The following AGBL1 variants were observed in gnomAD, a reference collection of about 807,000 sequenced individuals.
The protein encoded by AGBL1 is AGBL carboxypeptidase 1, also known as cytosolic carboxypeptidase 4.
In AGBL1, 130 loss-of-function variants were observed where a neutral mutation model predicts 118.9. The ratio of observed to expected loss-of-function variants is 1.09; its 90% CI spans 0.95 to 1.26. The LOEUF (loss-of-function observed/expected upper bound fraction) is 1.26. AGBL1 is among the 50% of genes most tolerant of loss of function. The pLI, the probability that AGBL1 is intolerant of heterozygous loss-of-function variation, is 0.00. For missense variants in AGBL1, 1,584 were observed against 1,298.1 expected (o/e 1.22, Z -3.38); for synonymous variants, 555 against 478.9 (o/e 1.16, Z -2.08).
At position 86,095,646 on chromosome 15, in the gene AGBL1, C is replaced by CTTTTTTTTTTTTTTTTTTTTTTTTTTTT. The variant is rs1896319963; in HGVS notation, c.51+15623_51+15624insTTTTTTTTTTTTTTTTTTTTTTTTTTTT. Among the ~76,000 whole-genome samples the CTTTTTTTTTTTTTTTTTTTTTTTTTTTT allele has an allele frequency of 6.0e-5, 7 of 116,684 alleles. 3 individuals are homozygous for CTTTTTTTTTTTTTTTTTTTTTTTTTTTT. Among genetic ancestry groups the CTTTTTTTTTTTTTTTTTTTTTTTTTTTT allele is most frequent in the Admixed American group, 9.5e-5 (1 of 10,488 alleles). The allele number at this position is 116,684 out of a possible 152,430, so 76.5% of individuals were successfully genotyped here. A position where few individuals can be genotyped will look rare whatever the true frequency, so the allele number is the denominator to read the frequency against. ...TCATAATGTCACATGACCTTGGATA[C>CTTTTTTTTTTTTTTTTTTTTTTTTTTTT]CTTTTTTTTTTTTTTTTTTTTTTTT... is the stretch of plus-strand genomic sequence containing the variant. On this transcript the variant is annotated intron_variant, in intron 1 of 22. Coordinates refer to ENST00000614907, the MANE Select transcript of AGBL1 (RefSeq NM_001386094.1).
At chr15:86,688,108 C>T (rs1197059577) in intron 22 of AGBL1, among the ~76,000 whole-genome samples, 1 of 152,284 alleles carries the variant, frequency 6.6e-6, no homozygotes, top group East Asian at 1.9e-4. Context: ...GGAGAAACAA[C>T]AAGCGCATGT....
chr15:86,862,023 C>T (rs1238619919), intron 22 of AGBL1, among the ~76,000 whole-genome samples: 3 of 152,136 alleles, frequency 2.0e-5, no homozygotes, highest in Non-Finnish European at 4.4e-5. Context: ...GAATCTTGCT[C>T]CCTGTTCCTT....
chr15:86,252,385 C>G (rs906262555), intron 7 of AGBL1, among the ~76,000 whole-genome samples: 4 of 152,164 alleles, frequency 2.6e-5, no homozygotes, highest in Admixed American at 6.5e-5. Context: ...TCAGATTGGT[C>G]TGAGATCATT....
chr15:86,653,910 C>T (rs1287411298), intron 21 of AGBL1, among the ~76,000 whole-genome samples: 1 of 152,068 alleles, frequency 6.6e-6, no homozygotes, highest in Non-Finnish European at 1.5e-5. Flanking sequence ...CAACTCTCAA[C>T]TTTGTGAAGG....
intron 17 of AGBL1, among the ~76,000 whole-genome samples, chr15:86,390,611 G>C (rs182734985): frequency 7.9e-4 from 115 of 144,688 alleles, no homozygotes; most frequent in African/African-American, 2.9e-3. Context: ...GCTCCCAAAA[G>C]TATTATGCTA....
At chr15:86,710,769 A>G (rs1178366713) in intron 22 of AGBL1, among the ~76,000 whole-genome samples, 1 of 152,198 alleles carries the variant, frequency 6.6e-6, no homozygotes, top group Non-Finnish European at 1.5e-5. Flanking sequence ...GAAACATAGC[A>G]ATTCTTTGGA....
chr15:86,412,216 C>G (rs1361212609), intron 18 of AGBL1, among the ~76,000 whole-genome samples: 2 of 152,184 alleles, frequency 1.3e-5, no homozygotes, highest in Non-Finnish European at 2.9e-5. Context: ...CGTGGATCAC[C>G]AAGTCGAGGA....
intron 21 of AGBL1, among the ~76,000 whole-genome samples, chr15:86,628,154 T>G (rs1258400785): frequency 6.6e-6 from 1 of 152,164 alleles, no homozygotes; most frequent in African/African-American, 2.4e-5. Context: ...GTGGGTTTGT[T>G]ACATAGCTTG....
intron 1 of AGBL1, chr15:86,138,439 T>G (rs1464678168): frequency 6.6e-6 from 1 of 152,246 alleles, no homozygotes; most frequent in African/African-American, 2.4e-5. Flanking sequence ...TCACAGCCCT[T>G]GCTGTCTTGG....
chr15:86,560,628 G>T (rs2083803997), intron 21 of AGBL1, among the ~76,000 whole-genome samples: 2 of 152,190 alleles, frequency 1.3e-5, no homozygotes, highest in African/African-American at 4.8e-5. Context: ...ATAGCAGCAG[G>T]ATTTATAATC....
chr15:86,087,564 A>C (rs1895746303), intron 1 of AGBL1, among the ~76,000 whole-genome samples: 1 of 152,168 alleles, frequency 6.6e-6, no homozygotes, highest in Admixed American at 6.5e-5. Flanking sequence ...TCCTGACCTC[A>C]AGTGATCTGC....
intron 22 of AGBL1, among the ~76,000 whole-genome samples, chr15:86,845,398 G>A (rs76180248): frequency 0.037 from 5,698 of 152,082 alleles, 350 homozygotes; most frequent in African/African-American, 0.13. Context: ...ATTGTTTACC[G>A]TATGAACTGA....
chr15:86,305,337 C>T (rs576166768), intron 17 of AGBL1, among the ~76,000 whole-genome samples: 82 of 152,078 alleles, frequency 5.4e-4, no homozygotes, highest in African/African-American at 1.9e-3. Context: ...AAAGCTACCG[C>T]CAGATTCAAG....
chr15:86,456,667 A>G lies in AGBL1; in HGVS notation c.2555+59121A>G, dbSNP rs545541710. On this transcript the variant is annotated intron_variant, in intron 18 of 22. Coordinates refer to ENST00000614907, the MANE Select transcript of AGBL1 (RefSeq NM_001386094.1). ...AGAAGAGGTCTGATAAAAGCTGCAC[A>G]TTGATTAGGATATTTCAGCGAGGAA... Among the ~76,000 whole-genome samples, 232 of 152,314 alleles carry G rather than the reference A, an allele frequency of 1.5e-3. 1 individual carries two copies. The highest frequency in any genetic ancestry group is 5.4e-3 in the African/African-American group (226 of 41,584).
At chr15:86,574,427 A>C (rs1477883132) in intron 21 of AGBL1, among the ~76,000 whole-genome samples, 1 of 152,182 alleles carries the variant, frequency 6.6e-6, no homozygotes, top group African/African-American at 2.4e-5. Flanking sequence ...TTGACTGGTC[A>C]GTCCCAAGGG....
chr15:86,917,743 C>T (rs569699199), downstream of AGBL1, among the ~76,000 whole-genome samples: 59 of 151,136 alleles, frequency 3.9e-4, 2 homozygotes, highest in South Asian at 8.2e-3. This position sits in a 1 kb window ranked among gnomAD's most constrained non-coding sequence, Gnocchi z 4.8. Flanking sequence ...ACCAAAGATT[C>T]GGGGAGTGGG....
intron 22 of AGBL1, among the ~76,000 whole-genome samples, chr15:86,677,050 G>A (rs539534571): frequency 6.6e-6 from 1 of 152,028 alleles, no homozygotes; most frequent in East Asian, 1.9e-4. Context: ...CAAGGATGTG[G>A]TACTGCATCC....
intron 1 of AGBL1, among the ~76,000 whole-genome samples, chr15:86,109,227 C>G (rs1034306280): frequency 6.7e-6 from 1 of 149,878 alleles, no homozygotes; most frequent in Non-Finnish European, 1.5e-5. Context: ...TCTGGGGGGC[C>G]TGAAGCTTAT....
At chr15:86,458,387 T>C (rs1057248581) in intron 18 of AGBL1, among the ~76,000 whole-genome samples, 1 of 152,202 alleles carries the variant, frequency 6.6e-6, no homozygotes, top group Non-Finnish European at 1.5e-5. Flanking sequence ...AAGCTATCCA[T>C]TTTGCATCAA....
Sources: gnomAD v4.1 joint callset for allele counts (sites outside exome capture counted in the v4.1 genomes callset) on GRCh38, gnomAD v4.1.1 for gene constraint, Gnocchi (gnomAD v3.1) non-coding constraint, MANE v1.5 for transcripts, NCBI Gene and HGNC (gene_info 2026-07-23, HGNC 2026-07-21) for gene names.